Variants in NAALADL2 observed in about 807,000 individuals in gnomAD.
NAALADL2 encodes the protein N-acetylated alpha-linked acidic dipeptidase like 2, also known as inactive N-acetylated-alpha-linked acidic dipeptidase-like protein 2.
A neutral mutation model predicts 87.2 loss-of-function variants in NAALADL2; 76 were observed. The ratio of observed to expected loss-of-function variants is 0.87; its 90% confidence interval spans 0.72 to 1.05. The LOEUF (loss-of-function observed/expected upper bound fraction) is 1.05, where lower values mean the gene tolerates loss of function less well. NAALADL2 is among the 50% of genes least tolerant of loss of function. The probability of loss-of-function intolerance (pLI) is 0.00; values close to 1 mark genes in which losing one functional copy is unlikely to be tolerated. For missense variants in NAALADL2, 1,089 were observed against 945.8 expected (o/e 1.15, Z -1.99); for synonymous variants, 354 against 331.0 (o/e 1.07, Z -0.75).
At chr3:175,682,927 GA>G (rs1365615473) in intron 11 of NAALADL2, among the ~76,000 whole-genome samples, 1 of 151,878 alleles carries the variant, frequency 6.6e-6, no homozygotes, top group Non-Finnish European at 1.5e-5. Context: ...TACCCTTGGG[GA>G]AACATATAAC....
chr3:174,702,359 TAATC>T (rs1301337460), intron 2 of NAALADL2, among the ~76,000 whole-genome samples: 2 of 152,154 alleles, frequency 1.3e-5, no homozygotes, highest in African/African-American at 4.8e-5. Flanking sequence ...ATTTATTTAT[TAATC>T]TATCTGTCAA....
At chr3:175,162,705 T>A (rs1323535614) in intron 2 of NAALADL2, among the ~76,000 whole-genome samples, 1 of 152,158 alleles carries the variant, frequency 6.6e-6, no homozygotes, top group Non-Finnish European at 1.5e-5. Flanking sequence ...TTGATTTGAT[T>A]TCATTTTCAA....
intron 11 of NAALADL2, among the ~76,000 whole-genome samples, chr3:175,722,197 G>A (rs773353490): frequency 6.6e-6 from 1 of 152,014 alleles, no homozygotes; most frequent in Non-Finnish European, 1.5e-5. Context: ...TGCAAATTGA[G>A]GTGATAAAAT....
chr3:175,077,778 C>A (rs1007764825), intron 1 of NAALADL2, among the ~76,000 whole-genome samples: 1 of 151,938 alleles, frequency 6.6e-6, no homozygotes, highest in African/African-American at 2.4e-5. Flanking sequence ...AAAATATAAT[C>A]ATTATGGGTG....
At chr3:174,973,902 T>C (rs1321283853) in intron 1 of NAALADL2, among the ~76,000 whole-genome samples, 1 of 152,166 alleles carries the variant, frequency 6.6e-6, no homozygotes, top group Non-Finnish European at 1.5e-5. Context: ...TGATTGTATA[T>C]CTCTTTTGCC....
intron 9 of NAALADL2, among the ~76,000 whole-genome samples, chr3:175,555,976 A>G (rs978885593): frequency 6.6e-6 from 1 of 152,182 alleles, no homozygotes; most frequent in East Asian, 1.9e-4. Context: ...AACTTCCTTT[A>G]ACTTTTAAGA....
chr3:175,618,716 A>G (rs1254731445), intron 10 of NAALADL2, among the ~76,000 whole-genome samples: 1 of 151,996 alleles, frequency 6.6e-6, no homozygotes, highest in African/African-American at 2.4e-5. Context: ...TTTTCCCTAT[A>G]TTACCAGGGT....
chr3:175,163,925 T>C (rs779924782), intron 2 of NAALADL2, among the ~76,000 whole-genome samples: 8 of 152,186 alleles, frequency 5.3e-5, no homozygotes, highest in Non-Finnish European at 1.0e-4. Context: ...TTGTCAATGA[T>C]GCAGAAATTT....
chr3:174,809,179 A>C (rs1180786297), intron 3 of NAALADL2, among the ~76,000 whole-genome samples: 1 of 152,244 alleles, frequency 6.6e-6, no homozygotes, highest in East Asian at 1.9e-4. Flanking sequence ...CAGGTAGAAA[A>C]CCAAAATAGG....
chr3:175,125,013 G>A (rs995269326), intron 2 of NAALADL2, among the ~76,000 whole-genome samples: 1 of 151,840 alleles, frequency 6.6e-6, no homozygotes, highest in South Asian at 2.1e-4. Context: ...ATAGGGAGAA[G>A]TAGATCGTAT....
At chr3:174,802,203 T>C (rs531533550) in intron 3 of NAALADL2, among the ~76,000 whole-genome samples, 1 of 152,182 alleles carries the variant, frequency 6.6e-6, no homozygotes, top group South Asian at 2.1e-4. Flanking sequence ...CCATGCCAAG[T>C]GTCAAGGTTA....
intron 2 of NAALADL2, among the ~76,000 whole-genome samples, chr3:174,726,737 C>A (rs16863677): frequency 6.6e-6 from 1 of 151,824 alleles, no homozygotes; most frequent in Non-Finnish European, 1.5e-5. Flanking sequence ...CTTTTCTTGC[C>A]CCTCAGGATT....
At chr3:175,167,727 C>A (rs960808757) in intron 2 of NAALADL2, among the ~76,000 whole-genome samples, 2 of 152,046 alleles carry the variant, frequency 1.3e-5, no homozygotes, top group African/African-American at 2.4e-5. Flanking sequence ...TCCATCCCCA[C>A]TTCTCATGCT....
chr3:175,062,638 T>C (rs1016287444), intron 1 of NAALADL2, among the ~76,000 whole-genome samples: 3 of 152,118 alleles, frequency 2.0e-5, no homozygotes, highest in African/African-American at 7.2e-5. Flanking sequence ...GGCAAGGAAA[T>C]GCTATTGATC....
At chr3:174,967,561 C>G (rs1743063164) in intron 1 of NAALADL2, among the ~76,000 whole-genome samples, 1 of 152,062 alleles carries the variant, frequency 6.6e-6, no homozygotes, top group Non-Finnish European at 1.5e-5. Context: ...GAGCCTAGGC[C>G]TAAAGAGAGC....
In NAALADL2 at chr3:175,349,820, G is replaced by A. The variant is rs377539349; in HGVS notation, c.1090+25495G>A. ...CCTGATGAGTGCTGAAATCAAGGCC[G>A]ATGACTGGAAACTGTCTACCTGCTT... On this transcript the variant is annotated intron_variant, in intron 5 of 13. Coordinates refer to ENST00000454872, the MANE Select transcript of NAALADL2 (RefSeq NM_207015.3). Among the ~76,000 whole-genome samples, 7 of 152,196 alleles carry A rather than the reference G, an allele frequency of 4.6e-5. No homozygotes were observed. In the South Asian group the frequency reaches 6.2e-4, roughly 14 times the overall value.
intron 2 of NAALADL2, among the ~76,000 whole-genome samples, chr3:174,598,593 A>G (rs1718141546): frequency 6.6e-6 from 1 of 152,178 alleles, no homozygotes; most frequent in African/African-American, 2.4e-5. Context: ...ACATACTCCC[A>G]GTGTCCTGAT....
At chr3:174,625,976 A>C (rs1182929639) in intron 2 of NAALADL2, among the ~76,000 whole-genome samples, 1 of 152,056 alleles carries the variant, frequency 6.6e-6, no homozygotes, top group East Asian at 1.9e-4. Flanking sequence ...ATAGTTTATA[A>C]ATTTCTATAA....
chr3:174,958,968 G>A (rs950155817), intron 1 of NAALADL2, among the ~76,000 whole-genome samples: 44 of 151,992 alleles, frequency 2.9e-4, no homozygotes, highest in African/African-American at 9.2e-4. Flanking sequence ...AATTATTTCC[G>A]AAGTGTTGGC....
Sources: gnomAD v4.1 joint callset for allele counts (sites outside exome capture counted in the v4.1 genomes callset) on GRCh38, gnomAD v4.1.1 for gene constraint, MANE v1.5 for transcripts, NCBI Gene and HGNC (gene_info 2026-07-23, HGNC 2026-07-21) for gene names.